Variants in FUT8 observed in about 807,000 individuals in gnomAD.
The protein encoded by FUT8 is alpha-(1,6)-fucosyltransferase.
A neutral mutation model predicts 71.3 loss-of-function variants in FUT8; 29 were observed. The ratio of observed to expected loss-of-function variants is 0.41; its 90% confidence interval spans 0.30 to 0.55. The LOEUF (loss-of-function observed/expected upper bound fraction) is 0.55. FUT8 is among the 20% of genes least tolerant of loss of function. FUT8 has a pLI of 0.34. For missense variants in FUT8, 544 were observed against 702.1 expected (o/e 0.77, Z 2.55); for synonymous variants, 254 against 239.3 (o/e 1.06, Z -0.57).
At chr14:65,663,363 T>C (rs1200394592) in intron 6 of FUT8, among the ~76,000 whole-genome samples, 4 of 152,066 alleles carry the variant, frequency 2.6e-5, no homozygotes, top group African/African-American at 9.7e-5. Context: ...CATTTCAGAG[T>C]TGTTGCTTTA....
At chr14:65,480,688 T>G (rs2411818) in intron 2 of FUT8, among the ~76,000 whole-genome samples, 9,558 of 152,006 alleles carry the variant, frequency 0.063, 549 homozygotes, top group South Asian at 0.2. Flanking sequence ...GGTATCATAC[T>G]GTAATTCTAT....
At chr14:65,419,856 C>T (rs1488697855) in intron 1 of FUT8, among the ~76,000 whole-genome samples, 1 of 152,122 alleles carries the variant, frequency 6.6e-6, no homozygotes, top group Non-Finnish European at 1.5e-5. Flanking sequence ...GTACTGATAA[C>T]CCTGATTGCT....
chr14:65,701,309 T>C (rs551173002), intron 7 of FUT8, among the ~76,000 whole-genome samples: 12 of 152,270 alleles, frequency 7.9e-5, no homozygotes, highest in African/African-American at 2.9e-4. Flanking sequence ...GGAAGCAAAA[T>C]GTGTGTGCTT....
At chr14:65,568,913 C>A (rs1886335794) in intron 3 of FUT8, among the ~76,000 whole-genome samples, 1 of 151,442 alleles carries the variant, frequency 6.6e-6, no homozygotes, top group Non-Finnish European at 1.5e-5. Flanking sequence ...TTAATAATAT[C>A]CTATAGTATT....
intron 8 of FUT8, among the ~76,000 whole-genome samples, chr14:65,723,161 A>G (rs1370792064): frequency 1.3e-5 from 2 of 151,570 alleles, no homozygotes; most frequent in African/African-American, 4.9e-5. Context: ...TTAAAAAAAA[A>G]AAAAAAAGCA....
intron 6 of FUT8, among the ~76,000 whole-genome samples, chr14:65,657,889 G>A (rs1029194032): frequency 6.6e-6 from 1 of 151,986 alleles, no homozygotes; most frequent in African/African-American, 2.4e-5. Context: ...TGCATGGTAT[G>A]CCTATGTAAA....
the FUT8 span, among the ~76,000 whole-genome samples, chr14:65,392,627 T>C: frequency 6.6e-6 from 1 of 152,198 alleles, no homozygotes; most frequent in Admixed American, 6.5e-5. Flanking sequence ...AAGTTTGTTT[T>C]GTCACATGAG....
chr14:65,449,604 A>T (rs1206735314), intron 1 of FUT8, among the ~76,000 whole-genome samples: 1 of 152,230 alleles, frequency 6.6e-6, no homozygotes, highest in Non-Finnish European at 1.5e-5. Flanking sequence ...ACATTGGCCC[A>T]TAGCTAGAAG....
intron 2 of FUT8, among the ~76,000 whole-genome samples, chr14:65,498,143 T>C (rs544019891): frequency 6.6e-6 from 1 of 152,306 alleles, no homozygotes; most frequent in Non-Finnish European, 1.5e-5. Context: ...TATCTGTCTA[T>C]TCTTTTGAGT....
At chr14:65,694,301 G>A (rs1054775617) in intron 7 of FUT8, among the ~76,000 whole-genome samples, 1 of 152,116 alleles carries the variant, frequency 6.6e-6, no homozygotes, top group African/African-American at 2.4e-5. Flanking sequence ...TGTATTCAGT[G>A]CTGCGAATAT....
chr14:65,526,582 T>C (rs566630461), intron 2 of FUT8, among the ~76,000 whole-genome samples: 1 of 152,218 alleles, frequency 6.6e-6, no homozygotes. Context: ...AATATTGTTA[T>C]GTGTGAATTT....
intron 7 of FUT8, among the ~76,000 whole-genome samples, chr14:65,690,187 A>T (rs974290141): frequency 2.9e-4 from 44 of 152,102 alleles, no homozygotes; most frequent in African/African-American, 1.1e-3. Flanking sequence ...AGATCAGTTG[A>T]CCATCTCTAT....
At chr14:65,380,383 G>A in the FUT8 span, among the ~76,000 whole-genome samples, 1 of 152,134 alleles carries the variant, frequency 6.6e-6, no homozygotes, top group Non-Finnish European at 1.5e-5. Flanking sequence ...GTTGAGATTT[G>A]GGTGGGGACA....
upstream of FUT8, among the ~76,000 whole-genome samples, chr14:65,410,069 G>C (rs150409530): frequency 2.6e-5 from 4 of 152,340 alleles, no homozygotes; most frequent in Admixed American, 6.5e-5. Flanking sequence ...TTTTGACACA[G>C]ATACTTTCTG....
intron 2 of FUT8, among the ~76,000 whole-genome samples, chr14:65,457,153 A>G (rs1470904961): frequency 6.6e-6 from 1 of 152,170 alleles, no homozygotes; most frequent in African/African-American, 2.4e-5. Context: ...GTTTGTACCC[A>G]TTAGTCAACC....
intron 2 of FUT8, among the ~76,000 whole-genome samples, chr14:65,486,275 A>G (rs1416463195): frequency 6.6e-6 from 1 of 152,180 alleles, no homozygotes; most frequent in Non-Finnish European, 1.5e-5. Context: ...TATTATTTTC[A>G]GTTGGTTAAA....
At chr14:65,441,697 A>G (rs1050491715) in intron 1 of FUT8, among the ~76,000 whole-genome samples, 30 of 142,670 alleles carry the variant, frequency 2.1e-4, no homozygotes, top group African/African-American at 7.3e-4. Context: ...AGGTTGCAGT[A>G]AGCTGAGATC....
chr14:65,677,221 A>G (rs1026939040), intron 7 of FUT8, among the ~76,000 whole-genome samples: 3 of 151,048 alleles, frequency 2.0e-5, no homozygotes, highest in African/African-American at 4.9e-5. Flanking sequence ...TTTATTACTC[A>G]TGCATTTTTG....
intron 7 of FUT8, among the ~76,000 whole-genome samples, chr14:65,693,038 G>A (rs1455120036): frequency 6.6e-6 from 1 of 151,718 alleles, no homozygotes; most frequent in Non-Finnish European, 1.5e-5. Context: ...CAGCCAGGCA[G>A]AGGGGCTCCT....
Sources: allele counts gnomAD v4.1 joint callset (sites outside exome capture counted in the v4.1 genomes callset), GRCh38; gene constraint gnomAD v4.1.1; transcripts MANE v1.5; gene names NCBI Gene and HGNC (gene_info 2026-07-23, HGNC 2026-07-21).